Variants in TAFA2 observed in about 807,000 individuals in gnomAD.
The protein encoded by TAFA2 is TAFA chemokine like family member 2.
TAFA2 carries 7 observed loss-of-function variants against 18.8 expected under a neutral mutation model. The observed-to-expected ratio is 0.37, with a 90% CI of 0.21 to 0.70. The LOEUF is 0.70. TAFA2 is among the 30% of genes least tolerant of loss of function. The probability of loss-of-function intolerance (pLI) is 0.53; values close to 1 mark genes in which losing one functional copy is unlikely to be tolerated. For missense variants in TAFA2, 122 were observed against 158.1 expected, an observed-to-expected ratio of 0.77 and a Z score of 1.23; for synonymous variants, 60 against 54.2, an observed-to-expected ratio of 1.11 and a Z score of -0.47.
At chr12:62,234,299 G>A (rs1322173230) in intron 1 of TAFA2, 6 of 426,398 alleles carry the variant, frequency 1.4e-5, no homozygotes, top group Non-Finnish European at 2.2e-5. Flanking sequence ...AACATTTGCT[G>A]AATGAATATA....
chr12:62,203,285 A>T (rs1337124849), intron 1 of TAFA2, among the ~76,000 whole-genome samples: 1 of 152,256 alleles, frequency 6.6e-6, no homozygotes, highest in Non-Finnish European at 1.5e-5. Flanking sequence ...AGTAAGCGCC[A>T]TGTGGCGCCA....
At chr12:62,045,262 C>T (rs965098127) in intron 1 of TAFA2, among the ~76,000 whole-genome samples, 1 of 152,088 alleles carries the variant, frequency 6.6e-6, no homozygotes, top group Non-Finnish European at 1.5e-5. Flanking sequence ...ATGCTGATAC[C>T]TTCCCTCCCA....
At chr12:62,065,248 A>C (rs1882454468) in intron 1 of TAFA2, among the ~76,000 whole-genome samples, 2 of 152,086 alleles carry the variant, frequency 1.3e-5, no homozygotes, top group Admixed American at 1.3e-4. Flanking sequence ...AAGCTCGTTA[A>C]GGTGATACAC....
At chr12:61,827,847 A>G (rs1469833780) in intron 2 of TAFA2, among the ~76,000 whole-genome samples, 1 of 151,994 alleles carries the variant, frequency 6.6e-6, no homozygotes, top group Admixed American at 6.6e-5. Context: ...TTGAATTTCT[A>G]GATAGTGCAT....
At chr12:61,843,273 C>T (rs191810731) in intron 2 of TAFA2, among the ~76,000 whole-genome samples, 25 of 152,120 alleles carry the variant, frequency 1.6e-4, no homozygotes, top group East Asian at 7.7e-4. Context: ...GTTTGCTGAA[C>T]GGCTCTGCCA....
chr12:61,906,527 G>A (rs1345532362), intron 1 of TAFA2, among the ~76,000 whole-genome samples: 1 of 152,020 alleles, frequency 6.6e-6, no homozygotes, highest in South Asian at 2.1e-4. Flanking sequence ...CTCAGTCTTG[G>A]GTATGTCTTT....
intron 4 of TAFA2, among the ~76,000 whole-genome samples, chr12:61,735,178 A>T (rs1312164077): frequency 1.3e-5 from 2 of 152,040 alleles, no homozygotes; most frequent in East Asian, 3.9e-4. Context: ...GCCTTTTATA[A>T]TTAGAAAATA....
At chr12:62,224,456 T>G (rs1317599450) in intron 1 of TAFA2, among the ~76,000 whole-genome samples, 3 of 152,046 alleles carry the variant, frequency 2.0e-5, no homozygotes, top group African/African-American at 7.2e-5. Context: ...TGTCCTTACA[T>G]GGTGGAAGGG....
intron 2 of TAFA2, among the ~76,000 whole-genome samples, chr12:61,772,310 C>T (rs1299199137): frequency 6.6e-6 from 1 of 151,826 alleles, no homozygotes; most frequent in African/African-American, 2.4e-5. Context: ...CAAAGAAGAA[C>T]TAGTACTAAC....
intron 1 of TAFA2, among the ~76,000 whole-genome samples, chr12:62,248,286 G>A (rs2062896728): frequency 6.6e-6 from 1 of 152,170 alleles, no homozygotes; most frequent in African/African-American, 2.4e-5. Context: ...TCCCTTACTA[G>A]GCATGTGTTA....
At chr12:61,903,191 C>T (rs1876188898) in intron 1 of TAFA2, among the ~76,000 whole-genome samples, 1 of 152,096 alleles carries the variant, frequency 6.6e-6, no homozygotes, top group African/African-American at 2.4e-5. Context: ...CTATGACTTA[C>T]AATAAAATCC....
chr12:62,145,046 C>T (rs1408055792), intron 1 of TAFA2, among the ~76,000 whole-genome samples: 3 of 152,222 alleles, frequency 2.0e-5, no homozygotes, highest in African/African-American at 7.2e-5. Flanking sequence ...AGGTGATGAT[C>T]ATTTAACACC....
chr12:61,971,484 T>C (rs973301509), intron 1 of TAFA2, among the ~76,000 whole-genome samples: 1 of 150,080 alleles, frequency 6.7e-6, no homozygotes, highest in Non-Finnish European at 1.5e-5. Context: ...ACTTAAAGTA[T>C]AATAAAAAAA....
At chr12:62,227,817 T>A (rs997594577) in intron 1 of TAFA2, among the ~76,000 whole-genome samples, 7 of 152,194 alleles carry the variant, frequency 4.6e-5, no homozygotes, top group Non-Finnish European at 7.4e-5. Context: ...AGCTTCATTC[T>A]TCTGCTTATG....
intron 4 of TAFA2, among the ~76,000 whole-genome samples, chr12:61,719,045 C>T (rs1178491102): frequency 2.0e-5 from 3 of 152,220 alleles, no homozygotes; most frequent in South Asian, 4.1e-4. Context: ...GATACTGAAA[C>T]CACCTTTGCA....
intron 2 of TAFA2, among the ~76,000 whole-genome samples, chr12:61,785,318 C>CG (rs1200256763): frequency 8.3e-5 from 6 of 72,212 alleles, no homozygotes; most frequent in South Asian, 5.1e-4. Flanking sequence ...GAATAGTATT[C>CG]TTGTGTGTGT....
At chr12:62,049,472 G>A (rs1881993609) in intron 1 of TAFA2, among the ~76,000 whole-genome samples, 1 of 152,186 alleles carries the variant, frequency 6.6e-6, no homozygotes, top group African/African-American at 2.4e-5. Context: ...GAAAGCAGCT[G>A]AATCCATGAG....
chr12:61,830,830 G>A (rs575803873), intron 2 of TAFA2, among the ~76,000 whole-genome samples: 50 of 151,924 alleles, frequency 3.3e-4, no homozygotes, highest in Middle Eastern at 3.4e-3. Context: ...TTAATTCTAC[G>A]ATGAAGATAT....
At chr12:61,956,928 A>T (rs1878716165) in intron 1 of TAFA2, among the ~76,000 whole-genome samples, 1 of 152,154 alleles carries the variant, frequency 6.6e-6, no homozygotes, top group Non-Finnish European at 1.5e-5. Flanking sequence ...TTACTCACAC[A>T]TTATCTACCA....
Sources: allele counts gnomAD v4.1 joint callset (sites outside exome capture counted in the v4.1 genomes callset), GRCh38; gene constraint gnomAD v4.1.1; transcripts MANE v1.5; gene names NCBI Gene and HGNC (gene_info 2026-07-23, HGNC 2026-07-21).